CLEC16A: variants seen among roughly 807,000 people sequenced by gnomAD.
CLEC16A encodes protein CLEC16A.
A neutral mutation model predicts 109.5 loss-of-function variants in CLEC16A; 51 were observed. The ratio of observed to expected loss-of-function variants is 0.47; its 90% CI spans 0.37 to 0.59. The LOEUF (loss-of-function observed/expected upper bound fraction) is 0.59. Ranked by LOEUF, CLEC16A falls within the 20% of genes least tolerant of loss-of-function variation. The probability of loss-of-function intolerance (pLI) is 0.00; values close to 1 mark genes in which losing one functional copy is unlikely to be tolerated. For missense variants in CLEC16A, 1,339 were observed against 1,394.0 expected (o/e 0.96, Z 0.63); for synonymous variants, 673 against 564.2 (o/e 1.19, Z -2.73).
chr16:11,114,455 C>A lies in CLEC16A; in HGVS notation c.2117-6160C>A, dbSNP rs189250994. ...TGGCCTCTCCTTGCCATGGCCACTC[C>A]TGAGTGTCAGGCAGGGAGGCTGCCA... On this transcript the variant is annotated intron_variant, in intron 19 of 23. Coordinates refer to ENST00000409790, the MANE Select transcript of CLEC16A (RefSeq NM_015226.3). 8.5e-5 allele frequency among the ~76,000 whole-genome samples: 13 copies of A among 152,240 alleles called. No homozygotes were observed. The East Asian group carries it at 2.3e-3, about 27-fold the overall frequency.
At chr16:11,143,847 A>G (rs556190841) in intron 22 of CLEC16A, among the ~76,000 whole-genome samples, 1 of 152,298 alleles carries the variant, frequency 6.6e-6, no homozygotes, top group African/African-American at 2.4e-5. Flanking sequence ...TAAGTAACTT[A>G]CCTGGAGTTG....
At chr16:11,164,514 C>G (rs1024930367) in intron 22 of CLEC16A, among the ~76,000 whole-genome samples, 3 of 152,180 alleles carry the variant, frequency 2.0e-5, no homozygotes, top group African/African-American at 7.2e-5. Context: ...TGCCCAAGGT[C>G]CCTCAGCTGG....
chr16:10,975,564 C>G (rs2042993015), intron 7 of CLEC16A, among the ~76,000 whole-genome samples: 3 of 152,164 alleles, frequency 2.0e-5, no homozygotes, highest in Admixed American at 1.3e-4. Flanking sequence ...TGTTCTAGGT[C>G]TCAGGCGCAC....
At position 10,961,122 on chromosome 16, in the gene CLEC16A, T is replaced by A. The variant is rs2042232203; in HGVS notation, c.210-1333T>A. 6.6e-6 allele frequency among the ~76,000 whole-genome samples: 1 copy of A among 152,174 alleles called. No homozygotes were observed. The highest frequency in any genetic ancestry group is 2.4e-5 in the African/African-American group (1 of 41,426). ...TCCCAAGTTGGTCACAGTGCGGCAG[T>A]GAGTTTGCTGGTGGCCCTTAGGAGT... On this transcript the variant is annotated intron_variant, in intron 2 of 23. Transcript: ENST00000409790. This position sits in a 1 kb window ranked among gnomAD's most constrained non-coding sequence, Gnocchi z 4.3.
intron 11 of CLEC16A, among the ~76,000 whole-genome samples, chr16:11,012,877 A>G (rs2045521443): frequency 6.6e-6 from 1 of 152,148 alleles, no homozygotes; most frequent in Non-Finnish European, 1.5e-5. Context: ...GTTATTTGAC[A>G]ATCATTTGTA....
chr16:11,000,633 C>T (rs1396736700), intron 10 of CLEC16A, among the ~76,000 whole-genome samples: 1 of 152,154 alleles, frequency 6.6e-6, no homozygotes, highest in African/African-American at 2.4e-5. Context: ...ACGCTCCCAT[C>T]TGGGGGCCCT....
chr16:11,029,984 A>G (rs1245722530), intron 13 of CLEC16A, among the ~76,000 whole-genome samples: 3 of 152,180 alleles, frequency 2.0e-5, no homozygotes, highest in Non-Finnish European at 2.9e-5. Context: ...GTCATGCAAC[A>G]TGTACTCCTC....
intron 23 of CLEC16A, among the ~76,000 whole-genome samples, chr16:11,169,778 C>T (rs958611076): frequency 6.6e-6 from 1 of 152,206 alleles, no homozygotes; most frequent in East Asian, 1.9e-4. Context: ...GTGGCCCAGG[C>T]ACCCACCAAT....
At position 11,179,770 on chromosome 16, in the gene CLEC16A, C is replaced by T. The variant is rs567100860; in HGVS notation, c.*1080C>T. The T allele has an allele frequency of 6.6e-6, 1 of 152,538 alleles. No homozygotes were observed. Among genetic ancestry groups the T allele is most frequent in the African/African-American group, 2.4e-5 (1 of 41,592 alleles). The allele number at this position is 152,538 out of a possible 1,614,324, so 9.4% of individuals were successfully genotyped here. Reference sequence around the variant, plus strand: ...TGGCCCAGAGCCAGTTCCCCTCCAGCTGCAAGGGCATGGTGTCCCCAGAGC... The same window carrying T: ...TGGCCCAGAGCCAGTTCCCCTCCAGTTGCAAGGGCATGGTGTCCCCAGAGC... On this transcript the variant is annotated 3_prime_UTR_variant, in exon 24 of 24. Coordinates refer to ENST00000409790, the MANE Select transcript of CLEC16A (RefSeq NM_015226.3).
intron 22 of CLEC16A, among the ~76,000 whole-genome samples, chr16:11,131,478 G>A (rs1333885866): frequency 6.6e-6 from 1 of 152,198 alleles, no homozygotes; most frequent in Non-Finnish European, 1.5e-5. Context: ...TGCTTCAGGA[G>A]GCCGCAGGGA....
chr16:11,159,245 C>G (rs777514104), intron 22 of CLEC16A, among the ~76,000 whole-genome samples: 35 of 152,178 alleles, frequency 2.3e-4, no homozygotes, highest in Non-Finnish European at 4.0e-4. Context: ...AGCTGAATGT[C>G]CCATGGACTG....
rs757475052 is a variant in CLEC16A at position 10,979,309 on chromosome 16, C to G, written c.904-20C>G. The G allele has an allele frequency of 6.2e-7, 1 of 1,608,842 alleles. No homozygotes were observed. Among genetic ancestry groups the G allele is most frequent in the Non-Finnish European group, 8.5e-7 (1 of 1,177,750 alleles). On this transcript the variant is annotated intron_variant, in intron 8 of 23. Transcript: ENST00000409790. ...TGTGTGACCTGATCTCTCTCTCTCTCTCCTGCCACCCTGCACTAGGGAGGA... is the reference window on the plus strand; with the variant it reads ...TGTGTGACCTGATCTCTCTCTCTCTGTCCTGCCACCCTGCACTAGGGAGGA...
chr16:11,163,971 A>C (rs543392085), intron 22 of CLEC16A, among the ~76,000 whole-genome samples: 1 of 152,324 alleles, frequency 6.6e-6, no homozygotes, highest in African/African-American at 2.4e-5. Flanking sequence ...TTAAGAAGTG[A>C]GCAGCTATAA....
Position 11,028,940 on chromosome 16 carries a change from A to G in CLEC16A, c.1537+4019A>G, listed in dbSNP as rs2046582778. 2.0e-5 allele frequency among the ~76,000 whole-genome samples: 3 copies of G among 152,202 alleles called. No homozygotes were observed. In the South Asian group the frequency reaches 6.2e-4, roughly 31 times the overall value. On this transcript the variant is annotated intron_variant, in intron 13 of 23. Transcript: ENST00000409790. ...TGATTTCTTGTGTTTTGTCATGTGTATAATTTCTAGCTGTGTTTCTCTTAT... is the reference window on the plus strand; with the variant it reads ...TGATTTCTTGTGTTTTGTCATGTGTGTAATTTCTAGCTGTGTTTCTCTTAT...
intron 19 of CLEC16A, among the ~76,000 whole-genome samples, chr16:11,087,480 GT>G (rs2050074584): frequency 6.6e-6 from 1 of 152,236 alleles, no homozygotes; most frequent in African/African-American, 2.4e-5. Context: ...ACTACTACTT[GT>G]TTTTTTATGC....
intron 10 of CLEC16A, among the ~76,000 whole-genome samples, chr16:10,992,478 C>G (rs1478619193): frequency 2.1e-5 from 3 of 144,470 alleles, no homozygotes; most frequent in African/African-American, 7.3e-5. Flanking sequence ...ATGACGTACA[C>G]ATATATTAAA....
chr16:11,116,494 G>A (rs1178759004), intron 19 of CLEC16A, among the ~76,000 whole-genome samples: 2 of 152,178 alleles, frequency 1.3e-5, no homozygotes, highest in African/African-American at 2.4e-5. Context: ...GTCATGTGCT[G>A]GAGAGAATAG....
At chr16:11,094,659 G>C (rs1018953485) in intron 19 of CLEC16A, among the ~76,000 whole-genome samples, 1 of 151,910 alleles carries the variant, frequency 6.6e-6, no homozygotes. Flanking sequence ...CTTTTTTCCT[G>C]TGGGGCCCTG....
chr16:11,131,846 G>A (rs1597496102), intron 22 of CLEC16A, among the ~76,000 whole-genome samples: 1 of 152,166 alleles, frequency 6.6e-6, no homozygotes, highest in Non-Finnish European at 1.5e-5. Flanking sequence ...CTCTGCAGAT[G>A]ACACAATCCA....
Sources: gnomAD v4.1 joint callset for allele counts (sites outside exome capture counted in the v4.1 genomes callset) on GRCh38, gnomAD v4.1.1 for gene constraint, Gnocchi (gnomAD v3.1) non-coding constraint, MANE v1.5 for transcripts, NCBI Gene and HGNC (gene_info 2026-07-23, HGNC 2026-07-21) for gene names.